The following SDK1 variants were observed in gnomAD, a reference collection of about 807,000 sequenced individuals.
The protein encoded by SDK1 is sidekick cell adhesion molecule 1.
In SDK1, 157 loss-of-function variants were observed where a neutral mutation model predicts 245.5. The observed-to-expected ratio is 0.64, with a 90% CI of 0.56 to 0.73. The LOEUF is 0.73. Ranked by LOEUF, SDK1 falls within the 30% of genes least tolerant of loss-of-function variation. The probability of loss-of-function intolerance (pLI) is 0.00; values close to 1 mark genes in which losing one functional copy is unlikely to be tolerated. For synonymous variants in SDK1, 1,647 were observed against 1,278.5 expected (o/e 1.29, Z -6.15); for missense variants, 3,583 against 3,002.3 (o/e 1.19, Z -4.52).
At chr7:3,882,325 C>A (rs1781228011) in intron 5 of SDK1, among the ~76,000 whole-genome samples, 1 of 152,306 alleles carries the variant, frequency 6.6e-6, no homozygotes, top group South Asian at 2.1e-4. Flanking sequence ...AAATGCCTTT[C>A]ACTCCTGAGA....
chr7:3,473,360 T>C (rs78525413), intron 1 of SDK1, among the ~76,000 whole-genome samples: 21 of 152,370 alleles, frequency 1.4e-4, no homozygotes, highest in African/African-American at 5.0e-4. Flanking sequence ...GTTCAAATGC[T>C]TACAATAATT....
chr7:3,997,421 T>C (rs1784763748), intron 14 of SDK1, among the ~76,000 whole-genome samples: 1 of 151,956 alleles, frequency 6.6e-6, no homozygotes, highest in African/African-American at 2.4e-5. Flanking sequence ...GTGTGTTATA[T>C]ACACCTCTGC....
chr7:3,512,505 G>A (rs1415118246), intron 1 of SDK1, among the ~76,000 whole-genome samples: 3 of 152,162 alleles, frequency 2.0e-5, no homozygotes, highest in Non-Finnish European at 2.9e-5. Flanking sequence ...CATATGGTAC[G>A]GGTATGTTTC....
intron 14 of SDK1, among the ~76,000 whole-genome samples, chr7:4,005,380 C>G (rs1297164181): frequency 1.5e-5 from 2 of 136,638 alleles, no homozygotes; most frequent in African/African-American, 2.8e-5. Flanking sequence ...CGGGTAGTTT[C>G]TTTTCTTATG....
In SDK1 at chr7:3,642,363, T is replaced by C. The variant is rs549264331; in HGVS notation, c.713+258T>C. Among the ~76,000 whole-genome samples, 147 of 152,364 alleles carry C rather than the reference T, an allele frequency of 9.6e-4. 1 individual carries two copies. The highest frequency in any genetic ancestry group is 3.3e-3 in the African/African-American group (137 of 41,596). On this transcript the variant is annotated intron_variant, in intron 4 of 44. Transcript: ENST00000404826. ...AAACTAAAGCAGCCTTACCCAACTT[T>C]GCAGTCCATTTTTTTCTTTTCTGAG...
chr7:3,768,525 T>G (rs1443887607), intron 4 of SDK1, among the ~76,000 whole-genome samples: 2 of 152,230 alleles, frequency 1.3e-5, no homozygotes, highest in Non-Finnish European at 2.9e-5. Flanking sequence ...TGAGACTGTG[T>G]CTGATAATCT....
At chr7:3,387,276 C>A (rs1317972754) in intron 1 of SDK1, among the ~76,000 whole-genome samples, 2 of 152,138 alleles carry the variant, frequency 1.3e-5, no homozygotes, top group African/African-American at 2.4e-5. Flanking sequence ...TAATAGCCCT[C>A]CTGCCTTGGC....
chr7:3,377,440 T>C (rs1781381612), intron 1 of SDK1, among the ~76,000 whole-genome samples: 1 of 152,182 alleles, frequency 6.6e-6, no homozygotes. Flanking sequence ...GTCAGGTTGC[T>C]TGGCAAGCTT....
At chr7:3,478,438 CTA>C (rs1263747131) in intron 1 of SDK1, among the ~76,000 whole-genome samples, 3 of 151,930 alleles carry the variant, frequency 2.0e-5, no homozygotes, top group African/African-American at 7.3e-5. Context: ...GAGAACATAA[CTA>C]TGGTAATTAT....
chr7:4,114,920 C>T (rs142110826), intron 25 of SDK1, among the ~76,000 whole-genome samples: 53 of 152,266 alleles, frequency 3.5e-4, no homozygotes, highest in Middle Eastern at 3.4e-3. Flanking sequence ...TCTTGGGGCT[C>T]AGTCATGGGG....
rs761964979 is a variant in SDK1, at chr7:3,951,039, G to A, written c.959+5G>A. On this transcript the variant is annotated splice_donor_5th_base_variant and intron_variant, in intron 6 of 44. Coordinates refer to ENST00000404826, the MANE Select transcript of SDK1 (RefSeq NM_152744.4). ...GGAATGTATAGCCAGTGCCAGGTAC[G>A]AGGCGCGTCTCCTGTGAGACTCCTA... 26 of 1,592,404 alleles carry A rather than the reference G, an allele frequency of 1.6e-5. No individual in the cohort carries two copies. The highest frequency in any genetic ancestry group is 1.7e-4 in the Middle Eastern group (1 of 6,038).
chr7:3,354,905 C>A (rs1780752095), intron 1 of SDK1, among the ~76,000 whole-genome samples: 1 of 152,192 alleles, frequency 6.6e-6, no homozygotes, highest in Non-Finnish European at 1.5e-5. Flanking sequence ...TGCTGTGTAA[C>A]AATAGATGCT....
chr7:3,988,843 C>T (rs1430940341), intron 14 of SDK1, among the ~76,000 whole-genome samples: 1 of 152,302 alleles, frequency 6.6e-6, no homozygotes, highest in South Asian at 2.1e-4. Context: ...ATGATCTCGG[C>T]TCACTACAAC....
Position 3,951,850 on chromosome 7 carries a change from C to T in SDK1, c.1080C>T (p.Tyr360=), listed in dbSNP as rs760406490. The T allele has an allele frequency of 9.3e-6, 15 of 1,613,674 alleles. No individual in the cohort carries two copies. Among genetic ancestry groups the T allele is most frequent in the East Asian group, 4.5e-5 (2 of 44,886 alleles). The part of the protein sequence containing the change: ...SNPTSADTGP[Y]VCEAALPGSA... ...CGACGTCCGCGGACACCGGGCCATA[C>T]GTCTGCGAGGCGGCGCTGCCGGGGA... Residue 360 remains tyrosine (Y), a synonymous_variant, in exon 7 of 45, where the codon TAC becomes TAT. Coordinates refer to ENST00000404826, the MANE Select transcript of SDK1 (RefSeq NM_152744.4).
chr7:3,830,599 G>A (rs1164241435), intron 5 of SDK1, among the ~76,000 whole-genome samples: 6 of 152,166 alleles, frequency 3.9e-5, no homozygotes, highest in African/African-American at 9.6e-5. Flanking sequence ...GGGCTCAAGC[G>A]ATCCTCCCAC....
chr7:3,983,547 C>G (rs1375110121), intron 13 of SDK1, among the ~76,000 whole-genome samples: 1 of 152,198 alleles, frequency 6.6e-6, no homozygotes, highest in Non-Finnish European at 1.5e-5. Flanking sequence ...ACTTAATAGA[C>G]TGCAGTAGAG....
At chr7:4,113,501 C>T (rs939833075) in intron 24 of SDK1, 62 bp downstream of exon 24, 11 of 1,568,406 alleles carry the variant, frequency 7.0e-6, no homozygotes, top group Non-Finnish European at 9.6e-6. Flanking sequence ...AGGGCACACA[C>T]TAATCCAGGG....
rs576253789 is a variant in SDK1, at chr7:3,594,512, A to G, written c.299-24568A>G. 3.9e-5 allele frequency among the ~76,000 whole-genome samples: 6 copies of G among 152,310 alleles called. No homozygotes were observed. In the South Asian group the frequency reaches 1.2e-3, roughly 32 times the overall value. On this transcript the variant is annotated intron_variant, in intron 1 of 44. Coordinates refer to ENST00000404826, the MANE Select transcript of SDK1 (RefSeq NM_152744.4). Reference sequence around the variant, plus strand: ...GTCGTATGGTAACTTGATACCTAACATTTTGAGAGACCGCCAAACCATTTC... The same window carrying G: ...GTCGTATGGTAACTTGATACCTAACGTTTTGAGAGACCGCCAAACCATTTC...
chr7:3,433,705 G>C (rs1779933260), intron 1 of SDK1, among the ~76,000 whole-genome samples: 1 of 152,140 alleles, frequency 6.6e-6, no homozygotes, highest in African/African-American at 2.4e-5. Context: ...TGTCATTCCA[G>C]CTCAATTGAT....
Sources: allele counts gnomAD v4.1 joint callset (sites outside exome capture counted in the v4.1 genomes callset), GRCh38; gene constraint gnomAD v4.1.1; transcripts MANE v1.5; gene names NCBI Gene and HGNC (gene_info 2026-07-23, HGNC 2026-07-21).